THSD7A: variants seen among roughly 807,000 people sequenced by gnomAD.
THSD7A encodes thrombospondin type-1 domain-containing protein 7A.
Under a neutral mutation model 231.3 loss-of-function variants are expected in THSD7A, and 96 were observed. The ratio of observed to expected loss-of-function variants is 0.41; its 90% confidence interval spans 0.35 to 0.49. The LOEUF is 0.49. Among genes scored for constraint, THSD7A ranks in the 20% least tolerant of loss-of-function variants. The pLI is 0.05. For missense variants in THSD7A, 2,290 were observed against 2,070.2 expected, an observed-to-expected ratio of 1.11 and a Z score of -2.06; for synonymous variants, 940 against 743.3, an observed-to-expected ratio of 1.26 and a Z score of -4.30.
intron 1 of THSD7A, among the ~76,000 whole-genome samples, chr7:11,774,487 TACAC>T (rs71830837): frequency 0.05 from 7,395 of 148,958 alleles, 352 homozygotes; most frequent in African/African-American, 0.13. Flanking sequence ...TAAGCATTCT[TACAC>T]ACACACACAC....
chr7:11,781,725 T>C (rs548602875), intron 1 of THSD7A, among the ~76,000 whole-genome samples: 3 of 152,344 alleles, frequency 2.0e-5, no homozygotes, highest in African/African-American at 4.8e-5. Flanking sequence ...GATAATTTAG[T>C]ATTTGGCTTT....
rs572966219 is a variant in THSD7A, at chr7:11,796,478, A to T, written c.190+35279T>A. ...ATCACACTTTCATATTAATTTGAAA[A>T]GAATTTTTATTTTTCTAATATTAAA... On this transcript the variant is annotated intron_variant, in intron 1 of 27. Transcript: ENST00000423059. Among the ~76,000 whole-genome samples, 7 of 152,138 alleles carry T rather than the reference A, an allele frequency of 4.6e-5. No individual in the cohort carries two copies. The East Asian group carries it at 1.2e-3, about 25-fold the overall frequency.
chr7:11,494,556 A>G (rs1326601244), intron 6 of THSD7A, among the ~76,000 whole-genome samples: 3 of 152,082 alleles, frequency 2.0e-5, no homozygotes, highest in African/African-American at 7.2e-5. Context: ...GATGAAAGGA[A>G]AGAAAATAAT....
In THSD7A at chr7:11,406,390, C is replaced by A. The variant is rs938486361; in HGVS notation, c.4147G>T (p.Val1383Leu). 2 of 1,613,840 alleles carry A rather than the reference C, an allele frequency of 1.2e-6. No homozygotes were observed. The highest frequency in any genetic ancestry group is 3.3e-5 in the Admixed American group (2 of 59,998). ...ATGTCAGCACAGAATTCCTCATCCA[C>A]CACTTTGCTGAAATCATCAGCTGAC... Reference protein sequence around the residue: ...DGSADDFSKVVDEEFCADIEL... With the variant: ...DGSADDFSKVLDEEFCADIEL... The change falls in exon 22 of 28, where the codon GTG becomes TTG. Residue 1383 changes from valine to leucine, a missense_variant. Coordinates refer to ENST00000423059, the MANE Select transcript of THSD7A (RefSeq NM_015204.3). The surrounding 1 kb of genome is among the most constrained non-coding windows in gnomAD (Gnocchi z 4.7).
chr7:11,800,122 T>C (rs974738672), intron 1 of THSD7A, among the ~76,000 whole-genome samples: 11 of 152,140 alleles, frequency 7.2e-5, no homozygotes, highest in Non-Finnish European at 1.6e-4. Flanking sequence ...AGTCGAGCAC[T>C]TGAGACCAGC....
intron 1 of THSD7A, among the ~76,000 whole-genome samples, chr7:11,745,507 G>GAAGT (rs1391985578): frequency 1.3e-5 from 2 of 152,056 alleles, no homozygotes; most frequent in African/African-American, 4.8e-5. Flanking sequence ...TTTTAGAAAT[G>GAAGT]AAGTCCTTGC....
chr7:11,581,746 A>G (rs1791175665), intron 4 of THSD7A, among the ~76,000 whole-genome samples: 1 of 152,062 alleles, frequency 6.6e-6, no homozygotes, highest in South Asian at 2.1e-4. Context: ...ATGCCATTTA[A>G]TTGATCCAAC....
intron 11 of THSD7A, among the ~76,000 whole-genome samples, chr7:11,455,143 T>G (rs1296789207): frequency 6.6e-6 from 1 of 152,012 alleles, no homozygotes; most frequent in Non-Finnish European, 1.5e-5. Flanking sequence ...GCCTTGTTTT[T>G]TCTCTGCCAT....
At chr7:11,496,014 G>A (rs1448643492) in intron 6 of THSD7A, among the ~76,000 whole-genome samples, 1 of 152,132 alleles carries the variant, frequency 6.6e-6, no homozygotes, top group East Asian at 1.9e-4. Context: ...AATTTTTAAA[G>A]TGATATATTC....
chr7:11,412,702 G>C lies in THSD7A; in HGVS notation c.3636C>G (p.Pro1212=). Residue 1212 remains proline, a synonymous_variant, in exon 18 of 28, where the codon CCC becomes CCG. Transcript: ENST00000423059. ...GGTAGCAGTTTTTGTTCAGGTTACA[G>C]GGTTCTTTCTCAACAGCATTAGGGC... The part of the protein sequence containing the change: ...RSCPNAVEKE[P]CNLNKNCYHY... 1 of 1,613,800 alleles carries C rather than the reference G, an allele frequency of 6.2e-7. No homozygotes were observed.
At chr7:11,376,951 C>A in intron 26 of THSD7A, 1 of 255,208 alleles carries the variant, frequency 3.9e-6, no homozygotes, top group African/African-American at 2.2e-5. Context: ...TTACTTCAAA[C>A]TCAATACATG....
At chr7:11,716,255 C>T (rs994351508) in intron 1 of THSD7A, among the ~76,000 whole-genome samples, 2 of 151,546 alleles carry the variant, frequency 1.3e-5, no homozygotes, top group Admixed American at 1.3e-4. Context: ...CAACTCTCTC[C>T]ACCCATCTTG....
intron 23 of THSD7A, among the ~76,000 whole-genome samples, chr7:11,399,818 C>T (rs1269986347): frequency 6.6e-6 from 1 of 152,124 alleles, no homozygotes; most frequent in Non-Finnish European, 1.5e-5. Flanking sequence ...TGGGTATACG[C>T]CCAAAGGACT....
intron 6 of THSD7A, among the ~76,000 whole-genome samples, chr7:11,532,830 G>A (rs567597970): frequency 6.6e-6 from 1 of 152,264 alleles, no homozygotes; most frequent in African/African-American, 2.4e-5. Flanking sequence ...GATGCCACAA[G>A]AGCTGTTATA....
chr7:11,563,783 C>A (rs1333460696), intron 4 of THSD7A, among the ~76,000 whole-genome samples: 1 of 152,132 alleles, frequency 6.6e-6, no homozygotes, highest in East Asian at 1.9e-4. Flanking sequence ...TCTTCAGTAT[C>A]CAATCAACTA....
At position 11,407,427 on chromosome 7, in the gene THSD7A, G is replaced by C. The variant is rs749862195; in HGVS notation, c.3799-4C>G. ...GCCAGTTCTTCTCCAAGCCAAGCTG[G>C]AAGAACAGAGGTAGATCAGGATGTA... On this transcript the variant is annotated splice_region_variant and splice_polypyrimidine_tract_variant and intron_variant, in intron 19 of 27. Transcript: ENST00000423059. 24 of 1,607,542 alleles carry C rather than the reference G, an allele frequency of 1.5e-5. No homozygotes were observed. The highest frequency in any genetic ancestry group is 1.1e-4 in the East Asian group (5 of 44,796).
chr7:11,534,693 T>C (rs541461551), intron 6 of THSD7A, among the ~76,000 whole-genome samples: 2 of 152,200 alleles, frequency 1.3e-5, no homozygotes, highest in East Asian at 1.9e-4. Flanking sequence ...ACAGAATCAA[T>C]GAAGTCATGG....
chr7:11,415,241 C>T (rs1783922428), intron 17 of THSD7A, among the ~76,000 whole-genome samples: 1 of 152,220 alleles, frequency 6.6e-6, no homozygotes, highest in Non-Finnish European at 1.5e-5. Flanking sequence ...AGCTTGGAGG[C>T]CGTCTTGCAA....
chr7:11,686,359 A>C (rs571903352), intron 1 of THSD7A, among the ~76,000 whole-genome samples: 27 of 152,040 alleles, frequency 1.8e-4, no homozygotes, highest in Admixed American at 1.8e-3. Flanking sequence ...GGAGCTATTA[A>C]AAATTTTAAC....
Sources: allele counts gnomAD v4.1 joint callset (sites outside exome capture counted in the v4.1 genomes callset), GRCh38; gene constraint gnomAD v4.1.1; non-coding constraint Gnocchi (gnomAD v3.1); transcripts MANE v1.5; gene names NCBI Gene and HGNC (gene_info 2026-07-23, HGNC 2026-07-21).